Variants in TENM2 observed in about 807,000 individuals in gnomAD.
TENM2 encodes the protein teneurin-2.
A neutral mutation model predicts 245.2 loss-of-function variants in TENM2; 52 were observed. The observed-to-expected ratio is 0.21, with a 90% CI of 0.17 to 0.27. TENM2 has a LOEUF of 0.27. Ranked by LOEUF, TENM2 falls within the 10% of genes least tolerant of loss-of-function variation. The pLI is 1.00. For synonymous variants in TENM2, 1,363 were observed against 1,438.9 expected (o/e 0.95, Z 1.19); for missense variants, 3,046 against 3,666.8 (o/e 0.83, Z 4.37).
chr5:167,243,389 G>C, the TENM2 span, among the ~76,000 whole-genome samples: 1 of 151,910 alleles, frequency 6.6e-6, no homozygotes, highest in African/African-American at 2.4e-5. Context: ...TAGGAATTGC[G>C]GGTCATGGGA....
intron 2 of TENM2, among the ~76,000 whole-genome samples, chr5:167,716,731 C>G (rs73801361): frequency 6.6e-6 from 1 of 152,038 alleles, no homozygotes; most frequent in Non-Finnish European, 1.5e-5. Context: ...TATTTGGGAG[C>G]TGGGTAAAAA....
chr5:167,875,944 A>G, intron 2 of TENM2, 42 bp from the exon 5 acceptor site: 6 of 1,395,052 alleles, frequency 4.3e-6, no homozygotes, highest in Non-Finnish European at 6.0e-6. Context: ...TGCTCTCGTG[A>G]CACTCATTGC....
intron 2 of TENM2, among the ~76,000 whole-genome samples, chr5:167,673,014 C>G (rs1472358649): frequency 6.6e-6 from 1 of 151,840 alleles, no homozygotes; most frequent in Non-Finnish European, 1.5e-5. Context: ...CTCCAACCCC[C>G]AAAACACACC....
the TENM2 span, among the ~76,000 whole-genome samples, chr5:167,037,384 CTA>C: frequency 2.6e-5 from 4 of 152,184 alleles, no homozygotes; most frequent in Non-Finnish European, 5.9e-5. Context: ...ATCTCAGGTC[CTA>C]TAAATCACTT....
intron 1 of TENM2, among the ~76,000 whole-genome samples, chr5:167,354,389 A>C (rs1470785868): frequency 6.6e-6 from 1 of 152,242 alleles, no homozygotes; most frequent in Non-Finnish European, 1.5e-5. Context: ...AGTTGTTGGG[A>C]GAAAATAAAA....
At chr5:167,291,760 G>A (rs1223441258) in intron 1 of TENM2, among the ~76,000 whole-genome samples, 1 of 152,188 alleles carries the variant, frequency 6.6e-6, no homozygotes, top group Admixed American at 6.5e-5. Flanking sequence ...GACTCTGATA[G>A]CTGCAGTAGA....
rs759524642 is a variant in TENM2, at chr5:168,262,506, C to A, written c.8021C>A (p.Thr2674Lys). Residue 2674 changes from threonine to lysine, a missense_variant, in exon 29 of 29, where the codon ACG (threonine) becomes AAG (lysine). By Grantham distance (78) the Thr-to-Lys change is moderately conservative (BLOSUM62 -1). This residue lies in a region of TENM2 where 2,704 missense variants were observed against 3,331.9 expected (regional missense o/e 0.81). Coordinates refer to ENST00000518659, the Ensembl canonical transcript of TENM2. Reference sequence around the variant, plus strand: ...ACGAACATTGAGTTCCAGTACTCCACGCTGCTGCTCAGCATCCGCTATGGC... The same window carrying A: ...ACGAACATTGAGTTCCAGTACTCCAAGCTGCTGCTCAGCATCCGCTATGGC... 1.9e-6 allele frequency: 3 copies of A among 1,556,574 alleles called. No homozygotes were observed. The Admixed American group carries it at 5.8e-5, about 30-fold the overall frequency.
intron 2 of TENM2, among the ~76,000 whole-genome samples, chr5:167,813,385 C>A (rs547230356): frequency 7.2e-6 from 1 of 138,816 alleles, no homozygotes; most frequent in East Asian, 2.1e-4. Context: ...CTTACAAGTT[C>A]TGCACACACA....
At chr5:167,553,386 G>A (rs934708936) in intron 2 of TENM2, among the ~76,000 whole-genome samples, 16 of 152,284 alleles carry the variant, frequency 1.1e-4, no homozygotes, top group African/African-American at 2.2e-4. Flanking sequence ...AGTAAATAGC[G>A]CTGATTTATC....
intron 5 of TENM2, among the ~76,000 whole-genome samples, chr5:168,015,214 A>G (rs1371976902): frequency 6.6e-6 from 1 of 152,186 alleles, no homozygotes; most frequent in African/African-American, 2.4e-5. Flanking sequence ...TTTCCTCCTG[A>G]CTGGAGACAG....
intron 3 of TENM2, among the ~76,000 whole-genome samples, chr5:167,932,367 T>C (rs1163489105): frequency 2.0e-5 from 3 of 152,202 alleles, no homozygotes; most frequent in African/African-American, 4.8e-5. Flanking sequence ...CATTATTAAT[T>C]ATTCAGGGTC....
intron 12 of TENM2, among the ~76,000 whole-genome samples, chr5:168,148,037 G>A (rs753338808): frequency 6.6e-6 from 1 of 152,144 alleles, no homozygotes; most frequent in Non-Finnish European, 1.5e-5. Context: ...ATCGATTTTT[G>A]TAGCTTTATT....
chr5:168,125,329 C>T (rs1795771461), intron 11 of TENM2, among the ~76,000 whole-genome samples: 1 of 151,964 alleles, frequency 6.6e-6, no homozygotes, highest in Non-Finnish European at 1.5e-5. Context: ...ATGTACATTC[C>T]CTAAAGGTAC....
the TENM2 span, among the ~76,000 whole-genome samples, chr5:167,214,165 A>G: frequency 6.6e-6 from 1 of 152,228 alleles, no homozygotes; most frequent in East Asian, 1.9e-4. Context: ...TGTGATGGTA[A>G]ATGTTTCAAA....
intron 2 of TENM2, among the ~76,000 whole-genome samples, chr5:167,547,972 AAGG>A (rs1772676515): frequency 6.6e-6 from 1 of 152,224 alleles, no homozygotes; most frequent in African/African-American, 2.4e-5. Flanking sequence ...GTAGCAAATC[AAGG>A]AGTTTTCCCT....
intron 2 of TENM2, among the ~76,000 whole-genome samples, chr5:167,388,212 G>A (rs1316827622): frequency 6.6e-6 from 1 of 151,990 alleles, no homozygotes; most frequent in African/African-American, 2.4e-5. Context: ...GGTCTGTTCA[G>A]GGTATCTAAT....
intron 5 of TENM2, among the ~76,000 whole-genome samples, chr5:168,002,315 G>A (rs967739847): frequency 1.3e-5 from 2 of 152,156 alleles, no homozygotes; most frequent in African/African-American, 4.8e-5. Context: ...CTTTATAAAA[G>A]AAGGGCATAT....
At chr5:167,975,168 C>T (rs1782342430) in intron 4 of TENM2, among the ~76,000 whole-genome samples, 1 of 152,224 alleles carries the variant, frequency 6.6e-6, no homozygotes, top group African/African-American at 2.4e-5. Flanking sequence ...ACTGTATCTG[C>T]ATCAATACTT....
the TENM2 span, among the ~76,000 whole-genome samples, chr5:166,987,561 A>G: frequency 2.0e-5 from 3 of 151,904 alleles, no homozygotes; most frequent in Non-Finnish European, 4.4e-5. Context: ...ATATCTAATA[A>G]CAGACATGAT....
Sources: gnomAD v4.1 joint callset for allele counts (sites outside exome capture counted in the v4.1 genomes callset) on GRCh38, gnomAD v4.1.1 for gene constraint, gnomAD v4.1.1 regional missense constraint, MANE v1.5 for transcripts, NCBI Gene and HGNC (gene_info 2026-07-23, HGNC 2026-07-21) for gene names.